CNTLN: variants seen among roughly 807,000 people sequenced by gnomAD.
CNTLN encodes centlein, centrosomal protein.
A neutral mutation model predicts 180.0 loss-of-function variants in CNTLN; 212 were observed. The observed-to-expected ratio is 1.18, with a 90% confidence interval of 1.05 to 1.32. The LOEUF (loss-of-function observed/expected upper bound fraction) is 1.32, where lower values mean the gene tolerates loss of function less well. Among genes scored for constraint, CNTLN ranks in the 40% most tolerant of loss-of-function variants. CNTLN has a pLI of 0.00. For missense variants in CNTLN, 2,095 were observed against 1,610.9 expected (o/e 1.30, Z -5.14); for synonymous variants, 722 against 563.1 (o/e 1.28, Z -3.99).
In CNTLN at chr9:17,268,076, G is replaced by C. The variant is rs555989323; in HGVS notation, c.850-5657G>C. 2.9e-4 allele frequency among the ~76,000 whole-genome samples: 44 copies of C among 152,280 alleles called. No homozygotes were observed. In the South Asian group the frequency reaches 9.1e-3, roughly 32 times the overall value. On this transcript the variant is annotated intron_variant, in intron 5 of 25. Transcript: ENST00000380647. ...TCCATCCAGCTTTGTTCCGTTGCTG[G>C]TGAGGAGCTCTGTCCTTTGGAGGAG...
chr9:17,231,582 C>A, intron 3 of CNTLN, among the ~76,000 whole-genome samples: 1 of 151,996 alleles, frequency 6.6e-6, no homozygotes, highest in South Asian at 2.1e-4. Context: ...TTCATTTTTT[C>A]CTTACCTTCT....
chr9:17,252,672 C>A (rs1341833549), intron 5 of CNTLN, among the ~76,000 whole-genome samples: 1 of 151,710 alleles, frequency 6.6e-6, no homozygotes, highest in Non-Finnish European at 1.5e-5. Context: ...TATTTTAACT[C>A]ATTCAAAAGG....
chr9:17,227,610 T>C (rs1824552584), intron 3 of CNTLN, among the ~76,000 whole-genome samples: 1 of 152,048 alleles, frequency 6.6e-6, no homozygotes, highest in Non-Finnish European at 1.5e-5. Flanking sequence ...TAAAGGTTCA[T>C]GAGAACTTTG....
intron 6 of CNTLN, among the ~76,000 whole-genome samples, chr9:17,277,026 C>G (rs1349628981): frequency 6.6e-6 from 1 of 151,968 alleles, no homozygotes; most frequent in Non-Finnish European, 1.5e-5. Context: ...AAAAGGATAA[C>G]TAATTAAATT....
intron 19 of CNTLN, 71 bp downstream of exon 19, chr9:17,457,786 C>A: frequency 1.1e-6 from 1 of 940,006 alleles, no homozygotes; most frequent in Non-Finnish European, 1.4e-6. Context: ...TTTATATGAA[C>A]ACTAATTTAT....
At chr9:17,432,643 A>ATAAGACAGTAGAACAGATCT (rs1829482777) in intron 18 of CNTLN, among the ~76,000 whole-genome samples, 2 of 152,162 alleles carry the variant, frequency 1.3e-5, no homozygotes, top group Non-Finnish European at 2.9e-5. Flanking sequence ...ACTAGAAACC[A>ATAAGACAGTAGAACAGATCT]TAAGACAGTA....
chr9:17,339,980 CCT>C lies in CNTLN; in HGVS notation c.1645-846_1645-845del, dbSNP rs144939812. Among the ~76,000 whole-genome samples the C allele has an allele frequency of 5.5e-3, 834 of 151,860 alleles. 6 individuals carry two copies. Among genetic ancestry groups the C allele is most frequent in the African/African-American group, 0.019 (802 of 41,414 alleles). On this transcript the variant is annotated intron_variant, in intron 10 of 25. Transcript: ENST00000380647. ...ACCAGCCTTGGCAACAGAGTGAGAC[CCT>C]GTTTCTACAAAAATAAAATAAAAAA...
chr9:17,504,599 T>C (rs1833898146), downstream of CNTLN, among the ~76,000 whole-genome samples: 3 of 152,158 alleles, frequency 2.0e-5, no homozygotes, highest in African/African-American at 7.2e-5. Flanking sequence ...TTATCTTGGA[T>C]TACCGATGTG....
intron 15 of CNTLN, among the ~76,000 whole-genome samples, chr9:17,406,872 C>T (rs770787596): frequency 6.6e-6 from 1 of 151,668 alleles, no homozygotes; most frequent in Non-Finnish European, 1.5e-5. Context: ...GCCCACCCCC[C>T]ACCAAGGGCT....
intron 2 of CNTLN, among the ~76,000 whole-genome samples, chr9:17,200,245 G>A (rs1191289572): frequency 2.0e-5 from 3 of 152,190 alleles, no homozygotes; most frequent in South Asian, 2.1e-4. Flanking sequence ...CTGTAGCCTT[G>A]TAGTATAGTT....
At position 17,416,028 on chromosome 9, in the gene CNTLN, C is replaced by A; in HGVS notation, c.2953C>A (p.Arg985=). The A allele has an allele frequency of 6.2e-7, 1 of 1,613,132 alleles. No individual in the cohort carries two copies. The highest frequency in any genetic ancestry group is 8.5e-7 in the Non-Finnish European group (1 of 1,179,614). Reference sequence around the variant, plus strand: ...ATCAAGTAGCAATATTATTTTATTACGAGAACGGATTATATCCTTGCAACA... The same window carrying A: ...ATCAAGTAGCAATATTATTTTATTAAGAGAACGGATTATATCCTTGCAACA... ...QKSSSNIILL[R]ERIISLQQQN... The change falls in exon 18 of 26, where the codon CGA becomes AGA. Residue 985 remains arginine, a synonymous_variant. Coordinates refer to ENST00000380647, the MANE Select transcript of CNTLN (RefSeq NM_017738.4).
At chr9:17,516,500 A>G in the CNTLN span, among the ~76,000 whole-genome samples, 1 of 152,238 alleles carries the variant, frequency 6.6e-6, no homozygotes, top group Non-Finnish European at 1.5e-5. Context: ...AGGTTCAATG[A>G]AGAAGGAACA....
chr9:17,229,588 T>C (rs1455854285), intron 3 of CNTLN, among the ~76,000 whole-genome samples: 1 of 152,076 alleles, frequency 6.6e-6, no homozygotes, highest in Non-Finnish European at 1.5e-5. Context: ...CTGGGGATCA[T>C]AGTATTTTCT....
intron 1 of CNTLN, among the ~76,000 whole-genome samples, chr9:17,135,762 G>A (rs1817672094): frequency 6.6e-6 from 1 of 152,230 alleles, no homozygotes; most frequent in African/African-American, 2.4e-5. Context: ...ACCTGCCGGG[G>A]GCCCAGGAGT....
intron 12 of CNTLN, among the ~76,000 whole-genome samples, chr9:17,353,844 G>T (rs996586053): frequency 1.3e-5 from 2 of 152,164 alleles, no homozygotes; most frequent in East Asian, 3.9e-4. Flanking sequence ...GGCACTTGAG[G>T]AGCCCTTCAG....
rs998712744 is a variant in CNTLN at position 17,405,344 on chromosome 9, T to C, written c.2616-3949T>C. Among the ~76,000 whole-genome samples, 7 of 151,720 alleles carry C rather than the reference T, an allele frequency of 4.6e-5. 1 individual carries two copies. Among genetic ancestry groups the C allele is most frequent in the Non-Finnish European group, 1.0e-4 (7 of 68,020 alleles). ...ACACACACAAAAAAATACCACAGACTGGATAACTTATAATGAAAGGAAATT... is the reference window on the plus strand; with the variant it reads ...ACACACACAAAAAAATACCACAGACCGGATAACTTATAATGAAAGGAAATT... On this transcript the variant is annotated intron_variant, in intron 15 of 25. Transcript: ENST00000380647.
intron 10 of CNTLN, among the ~76,000 whole-genome samples, chr9:17,340,278 C>G (rs1285692191): frequency 1.3e-5 from 2 of 152,116 alleles, no homozygotes; most frequent in African/African-American, 2.4e-5. Flanking sequence ...TTTCCCATTC[C>G]AGTTCTTCAT....
At chr9:17,437,045 A>G (rs749220547) in intron 18 of CNTLN, among the ~76,000 whole-genome samples, 5 of 152,214 alleles carry the variant, frequency 3.3e-5, no homozygotes, top group Non-Finnish European at 5.9e-5. Context: ...TGTGCGTGAC[A>G]TAGCCTGTCT....
At chr9:17,300,831 C>G (rs1467523832) in intron 7 of CNTLN, 1 of 252,454 alleles carries the variant, frequency 4.0e-6, no homozygotes. Context: ...TGTTTTTATT[C>G]CTTGAACATA....
Sources: gnomAD v4.1 joint callset for allele counts (sites outside exome capture counted in the v4.1 genomes callset) on GRCh38, gnomAD v4.1.1 for gene constraint, MANE v1.5 for transcripts, NCBI Gene and HGNC (gene_info 2026-07-23, HGNC 2026-07-21) for gene names.